The following MLIP variants were observed in gnomAD, a reference collection of about 807,000 sequenced individuals.
MLIP encodes muscular LMNA-interacting protein.
In MLIP, 79 loss-of-function variants were observed where a neutral mutation model predicts 84.8. The observed-to-expected ratio is 0.93, with a 90% confidence interval of 0.78 to 1.12. The LOEUF (loss-of-function observed/expected upper bound fraction) is 1.12, where lower values mean the gene tolerates loss of function less well. Ranked by LOEUF, MLIP falls within the 50% of genes most tolerant of loss-of-function variation. MLIP has a pLI of 0.00. For synonymous variants in MLIP, 504 were observed against 463.0 expected, an observed-to-expected ratio of 1.09 and a Z score of -1.14; for missense variants, 1,257 against 1,160.6, an observed-to-expected ratio of 1.08 and a Z score of -1.21.
chr6:54,146,541 G>A (rs999737964), intron 4 of MLIP, among the ~76,000 whole-genome samples: 2 of 152,160 alleles, frequency 1.3e-5, no homozygotes, highest in Non-Finnish European at 1.5e-5. Context: ...TTAGCAGGAA[G>A]CATATTTTGG....
chr6:54,200,730 A>G (rs1746361004), intron 10 of MLIP, among the ~76,000 whole-genome samples: 1 of 151,900 alleles, frequency 6.6e-6, no homozygotes, highest in Admixed American at 6.6e-5. Flanking sequence ...TCCCCTTGAG[A>G]AAAATCAGAG....
At chr6:54,029,215 G>C (rs764143344) in intron 1 of MLIP, 1 of 152,078 alleles carries the variant, frequency 6.6e-6, no homozygotes, top group African/African-American at 2.4e-5. Context: ...GGGATGCTAC[G>C]GTCTGGATGT....
intron 1 of MLIP, among the ~76,000 whole-genome samples, chr6:54,080,729 T>G (rs1767088184): frequency 6.7e-6 from 1 of 148,222 alleles, no homozygotes; most frequent in Non-Finnish European, 1.5e-5. Context: ...TATATATATT[T>G]AATATTTAAT....
chr6:54,087,294 T>C (rs891387473), intron 1 of MLIP, among the ~76,000 whole-genome samples: 7 of 152,188 alleles, frequency 4.6e-5, no homozygotes, highest in African/African-American at 1.7e-4. Flanking sequence ...CTGCCTTAGG[T>C]ATGTAAACTG....
chr6:54,142,906 AAAC>A (rs985190427), intron 4 of MLIP, among the ~76,000 whole-genome samples: 12 of 151,614 alleles, frequency 7.9e-5, no homozygotes, highest in South Asian at 4.1e-4. Flanking sequence ...GAAATGAAAA[AAAC>A]AACAACAACA....
Position 54,136,775 on chromosome 6 carries a change from G to T in MLIP, c.706G>T (p.Val236Phe). 2 of 1,520,522 alleles carry T rather than the reference G, an allele frequency of 1.3e-6. No individual in the cohort carries two copies. The highest frequency in any genetic ancestry group is 1.7e-4 in the Middle Eastern group (1 of 5,934). The allele number at this position is 1,520,522 out of a possible 1,614,324, so 94.2% of individuals were successfully genotyped here. The change falls in exon 4 of 14, where the codon GTT (valine) becomes TTT (phenylalanine). Residue 236 changes from valine to phenylalanine, a missense_variant. Coordinates refer to ENST00000502396, the MANE Select transcript of MLIP (RefSeq NM_001281747.2). The part of the protein sequence containing the change: ...LACKPPAFSF[V>F]SPTNPNTPPD... The stretch of plus-strand genomic sequence containing the variant: ...CTGTAAACCACCTGCTTTCTCCTTT[G>T]TTTCTCCAACTAATCCGAACACACC...
intron 1 of MLIP, among the ~76,000 whole-genome samples, chr6:54,077,142 A>G (rs751908719): frequency 5.9e-5 from 9 of 152,200 alleles, no homozygotes; most frequent in Non-Finnish European, 1.2e-4. Flanking sequence ...TACAAAACCT[A>G]AATAATCAAG....
intron 12 of MLIP, among the ~76,000 whole-genome samples, chr6:54,246,757 A>C (rs1206638645): frequency 6.6e-6 from 1 of 152,164 alleles, no homozygotes; most frequent in East Asian, 1.9e-4. Flanking sequence ...CCTTAACTTA[A>C]GGTCTGTATT....
intron 1 of MLIP, among the ~76,000 whole-genome samples, chr6:54,047,815 C>T (rs9382280): frequency 0.51 from 77,734 of 152,130 alleles, 23,698 homozygotes; most frequent in Non-Finnish European, 0.69. Context: ...ATCATTTAAT[C>T]CTTACAGCAA....
At chr6:54,028,871 T>A (rs1315206795) in intron 1 of MLIP, 1 of 152,238 alleles carries the variant, frequency 6.6e-6, no homozygotes, top group Non-Finnish European at 1.5e-5. Context: ...TGCAAAGTCA[T>A]TTATACTAAG....
chr6:54,119,860 C>G (rs1770282024), intron 1 of MLIP, among the ~76,000 whole-genome samples: 1 of 152,158 alleles, frequency 6.6e-6, no homozygotes, highest in Non-Finnish European at 1.5e-5. Flanking sequence ...CCACTCTTTC[C>G]ATTTCCACCA....
intron 9 of MLIP, among the ~76,000 whole-genome samples, chr6:54,175,065 C>A (rs1005091302): frequency 3.3e-5 from 5 of 151,682 alleles, no homozygotes; most frequent in Admixed American, 1.3e-4. Context: ...TGTAAGTGAG[C>A]AAATTTGTTT....
At chr6:54,091,241 A>G (rs1189717953) in intron 1 of MLIP, among the ~76,000 whole-genome samples, 1 of 152,132 alleles carries the variant, frequency 6.6e-6, no homozygotes, top group Non-Finnish European at 1.5e-5. Flanking sequence ...TTGTACCCGT[A>G]TTTCCTATAG....
rs1448324121 is a variant in MLIP at position 54,128,653 on chromosome 6, G to A, written c.645+3788G>A. ...GGGACAGAAATCAGTTTGAGAAATGGATGGAGGTAAGGAAAAGGAGGTCAT... is the reference window on the plus strand; with the variant it reads ...GGGACAGAAATCAGTTTGAGAAATGAATGGAGGTAAGGAAAAGGAGGTCAT... On this transcript the variant is annotated intron_variant, in intron 3 of 13. Coordinates refer to ENST00000502396, the MANE Select transcript of MLIP (RefSeq NM_001281747.2). 2.0e-5 allele frequency among the ~76,000 whole-genome samples: 3 copies of A among 152,146 alleles called. No homozygotes were observed. In the East Asian group the frequency reaches 5.8e-4, roughly 29 times the overall value.
chr6:54,253,226 C>T (rs1728818972), intron 12 of MLIP, among the ~76,000 whole-genome samples: 3 of 151,974 alleles, frequency 2.0e-5, no homozygotes, highest in Admixed American at 2.0e-4. Flanking sequence ...TTTGTAATGT[C>T]GCTTTTGAGG....
chr6:54,230,766 A>C lies in MLIP; in HGVS notation c.2771A>C (p.Lys924Thr). The change falls in exon 12 of 14, where the codon AAA becomes ACA. Residue 924 changes from lysine to threonine, a missense_variant. Transcript: ENST00000502396. ...PVSLHPLYQT[K>T]LYPPAKSLLH... ...TCGCTCCATCCTTTATATCAGACTA[A>C]ACTCTATCCTCCTGCTAAGTCACTG... The C allele has an allele frequency of 6.2e-7, 1 of 1,613,874 alleles. No homozygotes were observed. Among genetic ancestry groups the C allele is most frequent in the Non-Finnish European group, 8.5e-7 (1 of 1,179,956 alleles).
At chr6:54,243,474 G>T (rs1781875475) in intron 12 of MLIP, among the ~76,000 whole-genome samples, 1 of 152,150 alleles carries the variant, frequency 6.6e-6, no homozygotes, top group Non-Finnish European at 1.5e-5. Context: ...AGCAGGGAGT[G>T]AGTTGAGAAG....
intron 1 of MLIP, among the ~76,000 whole-genome samples, chr6:54,120,190 A>C (rs1770312454): frequency 6.6e-6 from 1 of 152,028 alleles, no homozygotes; most frequent in African/African-American, 2.4e-5. Flanking sequence ...TCCTCAACTT[A>C]TGCTTTTGGC....
At chr6:54,260,244 A>G (rs1321234551) in intron 13 of MLIP, among the ~76,000 whole-genome samples, 2 of 151,210 alleles carry the variant, frequency 1.3e-5, no homozygotes, top group Non-Finnish European at 2.9e-5. Context: ...TGTAACTCAC[A>G]TCATTTCTAA....
Sources: gnomAD v4.1 joint callset for allele counts (sites outside exome capture counted in the v4.1 genomes callset) on GRCh38, gnomAD v4.1.1 for gene constraint, MANE v1.5 for transcripts, NCBI Gene and HGNC (gene_info 2026-07-23, HGNC 2026-07-21) for gene names.